NOX4: variants seen among roughly 807,000 people sequenced by gnomAD.
The protein encoded by NOX4 is kidney oxidase-1.
In NOX4, 69 loss-of-function variants were observed where a neutral mutation model predicts 87.6. The observed-to-expected ratio is 0.79, with a 90% CI of 0.65 to 0.96. The LOEUF (loss-of-function observed/expected upper bound fraction) is 0.96. NOX4 is among the 40% of genes least tolerant of loss of function. The pLI, the probability that NOX4 is intolerant of heterozygous loss-of-function variation, is 0.00. For missense variants in NOX4, 680 were observed against 681.5 expected (o/e 1.00, Z 0.02); for synonymous variants, 275 against 238.2 (o/e 1.15, Z -1.42).
chr11:89,339,712 G>A (rs1270633109), intron 15 of NOX4, among the ~76,000 whole-genome samples: 6 of 152,084 alleles, frequency 3.9e-5, no homozygotes, highest in Admixed American at 3.9e-4. Flanking sequence ...GTTACAGCAG[G>A]AGCCTTCTGG....
At chr11:89,405,571 C>G (rs986467338) in intron 8 of NOX4, among the ~76,000 whole-genome samples, 5 of 150,396 alleles carry the variant, frequency 3.3e-5, no homozygotes, top group Non-Finnish European at 7.4e-5. Flanking sequence ...TAACTCTTGC[C>G]ACCAAAGAAA....
At chr11:89,410,175 A>C (rs1488018570) in intron 8 of NOX4, among the ~76,000 whole-genome samples, 3 of 152,184 alleles carry the variant, frequency 2.0e-5, no homozygotes, top group Non-Finnish European at 4.4e-5. Flanking sequence ...AATATAATCA[A>C]AATAGTTAAG....
chr11:89,503,457 C>T, the NOX4 span, among the ~76,000 whole-genome samples: 63 of 151,958 alleles, frequency 4.1e-4, 1 homozygote, highest in Non-Finnish European at 8.2e-4. Flanking sequence ...AACTGCCATT[C>T]GTTCTACTAT....
At chr11:89,517,500 C>G in the NOX4 span, among the ~76,000 whole-genome samples, 1 of 151,894 alleles carries the variant, frequency 6.6e-6, no homozygotes, top group Admixed American at 6.6e-5. Flanking sequence ...CAGGGTCTTG[C>G]TGTGTCATCC....
chr11:89,480,918 T>G (rs1224120574), intron 2 of NOX4, among the ~76,000 whole-genome samples: 1 of 152,118 alleles, frequency 6.6e-6, no homozygotes, highest in Non-Finnish European at 1.5e-5. Flanking sequence ...ATGAAATATG[T>G]TCCACCTCAA....
intron 17 of NOX4, among the ~76,000 whole-genome samples, chr11:89,329,356 G>GAAAA (rs377055666): frequency 3.5e-4 from 12 of 34,714 alleles, no homozygotes; most frequent in African/African-American, 6.6e-4. Context: ...GAAAAAAACT[G>GAAAA]AAAAAAAAAA....
chr11:89,516,990 T>TC, the NOX4 span, among the ~76,000 whole-genome samples: 5 of 113,728 alleles, frequency 4.4e-5, no homozygotes, highest in Non-Finnish European at 9.0e-5. Context: ...CTCCTCCTCC[T>TC]CCTCCTGCTC....
intron 13 of NOX4, among the ~76,000 whole-genome samples, chr11:89,351,771 A>AT (rs1476484192): frequency 6.6e-6 from 1 of 152,168 alleles, no homozygotes; most frequent in African/African-American, 2.4e-5. Context: ...AGAAAAAAAA[A>AT]GAAGATTCTA....
At chr11:89,551,789 C>A in the NOX4 span, among the ~76,000 whole-genome samples, 1 of 151,444 alleles carries the variant, frequency 6.6e-6, no homozygotes, top group Non-Finnish European at 1.5e-5. Context: ...ATTTTTTTTT[C>A]TCTTGCCTGA....
At chr11:89,390,936 T>C (rs1169059338) in intron 11 of NOX4, among the ~76,000 whole-genome samples, 1 of 152,150 alleles carries the variant, frequency 6.6e-6, no homozygotes, top group Non-Finnish European at 1.5e-5. Flanking sequence ...TAAATATTTC[T>C]CCTTTCTTCT....
the NOX4 span, among the ~76,000 whole-genome samples, chr11:89,523,117 G>A: frequency 6.6e-6 from 1 of 151,770 alleles, no homozygotes; most frequent in Non-Finnish European, 1.5e-5. Context: ...CCCCACCTCC[G>A]GGTTCAAGTG....
Position 89,491,287 on chromosome 11 carries a change from C to A in NOX4, c.-41G>T, listed in dbSNP as rs1251658957. ...GCGCTGCGCTCTGTGCCCGCCGGAC[C>A]GAGAAGGAGCGGGCGGCGGCCGGGG... On this transcript the variant is annotated 5_prime_UTR_variant, in exon 1 of 18. Coordinates refer to ENST00000263317, the MANE Select transcript of NOX4 (RefSeq NM_016931.5). 2 of 1,584,868 alleles carry A rather than the reference C, an allele frequency of 1.3e-6. No individual in the cohort carries two copies. Among genetic ancestry groups the A allele is most frequent in the Non-Finnish European group, 1.7e-6 (2 of 1,164,818 alleles).
Position 89,393,245 on chromosome 11 carries a change from C to T in NOX4, c.1074+6772G>A, listed in dbSNP as rs577815886. ...TAATACACAGAACAACACATCCTATCGAAGAATTGTCTGATCCAATATGTC... is the reference window on the plus strand; with the variant it reads ...TAATACACAGAACAACACATCCTATTGAAGAATTGTCTGATCCAATATGTC... On this transcript the variant is annotated intron_variant, in intron 11 of 17. Coordinates refer to ENST00000263317, the MANE Select transcript of NOX4 (RefSeq NM_016931.5). Among the ~76,000 whole-genome samples the T allele has an allele frequency of 9.9e-5, 15 of 152,150 alleles. No homozygotes were observed. The East Asian group carries it at 2.1e-3, about 22-fold the overall frequency.
chr11:89,386,957 C>T (rs1439238599), intron 11 of NOX4, among the ~76,000 whole-genome samples: 1 of 152,106 alleles, frequency 6.6e-6, no homozygotes, highest in Non-Finnish European at 1.5e-5. Context: ...CCTCACCAAT[C>T]ATTTTATACG....
the NOX4 span, among the ~76,000 whole-genome samples, chr11:89,579,940 T>C: frequency 5.3e-5 from 8 of 151,882 alleles, no homozygotes; most frequent in South Asian, 1.7e-3. Flanking sequence ...ATTTAGAAGA[T>C]ATGTAAATTG....
chr11:89,422,525 T>G (rs1463403478), intron 7 of NOX4, among the ~76,000 whole-genome samples: 1 of 152,134 alleles, frequency 6.6e-6, no homozygotes, highest in Non-Finnish European at 1.5e-5. Context: ...AGACAGAGAA[T>G]GATAAGCATA....
chr11:89,337,173 C>T (rs1440023063), intron 16 of NOX4, among the ~76,000 whole-genome samples: 1 of 151,900 alleles, frequency 6.6e-6, no homozygotes, highest in East Asian at 1.9e-4. Flanking sequence ...AATCATAAGG[C>T]TGTTCATGTG....
chr11:89,345,035 T>A (rs1946156495), intron 13 of NOX4, among the ~76,000 whole-genome samples: 1 of 152,160 alleles, frequency 6.6e-6, no homozygotes, highest in African/African-American at 2.4e-5. Flanking sequence ...ACCATTCTAG[T>A]CTCAGGAGAT....
intron 2 of NOX4, among the ~76,000 whole-genome samples, chr11:89,461,143 A>G (rs1324593026): frequency 1.3e-5 from 2 of 151,682 alleles, no homozygotes; most frequent in African/African-American, 4.8e-5. Context: ...GAACATCACA[A>G]TCCGGGGCCT....
Sources: gnomAD v4.1 joint callset for allele counts (sites outside exome capture counted in the v4.1 genomes callset) on GRCh38, gnomAD v4.1.1 for gene constraint, MANE v1.5 for transcripts, NCBI Gene and HGNC (gene_info 2026-07-23, HGNC 2026-07-21) for gene names.